ASAP1: variants seen among roughly 807,000 people sequenced by gnomAD.
The protein encoded by ASAP1 is ArfGAP with SH3 domain, ankyrin repeat and PH domain 1.
Under a neutral mutation model 145.2 loss-of-function variants are expected in ASAP1, and 43 were observed. The ratio of observed to expected loss-of-function variants is 0.30; its 90% CI spans 0.23 to 0.38. ASAP1 has a LOEUF of 0.38. Ranked by LOEUF, ASAP1 falls within the 10% of genes least tolerant of loss-of-function variation. ASAP1 has a pLI of 1.00. For synonymous variants in ASAP1, 546 were observed against 515.5 expected (o/e 1.06, Z -0.80); for missense variants, 1,018 against 1,355.3 (o/e 0.75, Z 3.91).
chr8:130,348,912 C>T (rs1825842461), intron 3 of ASAP1, among the ~76,000 whole-genome samples: 1 of 152,184 alleles, frequency 6.6e-6, no homozygotes, highest in Non-Finnish European at 1.5e-5. Context: ...GAGAAAACAG[C>T]TCATTACCCC....
intron 4 of ASAP1, among the ~76,000 whole-genome samples, chr8:130,226,049 T>C (rs1817568433): frequency 6.6e-6 from 1 of 151,834 alleles, no homozygotes; most frequent in African/African-American, 2.4e-5. Context: ...TTGGCTTTTT[T>C]TTTTTTTTTT....
chr8:130,145,992 C>A (rs1232294866), intron 13 of ASAP1, among the ~76,000 whole-genome samples: 1 of 151,084 alleles, frequency 6.6e-6, no homozygotes, highest in Non-Finnish European at 1.5e-5. Flanking sequence ...CAGGCATGTG[C>A]CACCATACCT....
At chr8:130,188,472 G>A (rs961095511) in intron 5 of ASAP1, among the ~76,000 whole-genome samples, 3 of 152,102 alleles carry the variant, frequency 2.0e-5, no homozygotes, top group Non-Finnish European at 4.4e-5. Flanking sequence ...GGTGGCTTAC[G>A]CCTGTAATCC....
chr8:130,169,131 T>C (rs1444214575), intron 9 of ASAP1, 64 bp from the exon 10 acceptor site: 3 of 1,044,194 alleles, frequency 2.9e-6, no homozygotes, highest in East Asian at 2.4e-5. Flanking sequence ...TGTTTCCTTA[T>C]GTGGAAATAA....
chr8:130,059,866 C>T (rs1246325801), intron 28 of ASAP1, among the ~76,000 whole-genome samples: 1 of 151,816 alleles, frequency 6.6e-6, no homozygotes, highest in Non-Finnish European at 1.5e-5. Flanking sequence ...GTGCTTGAGC[C>T]CATGAGTTCA....
intron 2 of ASAP1, among the ~76,000 whole-genome samples, chr8:130,373,109 TATACACACACACAC>T (rs71304308): frequency 0.19 from 24,784 of 127,590 alleles, 2,520 homozygotes; most frequent in Non-Finnish European, 0.21. Context: ...CAGAAATACA[TATACACACACACAC>T]ACACACACAC....
chr8:130,092,212 A>T (rs2097507000), intron 24 of ASAP1, 69 bp from the exon 25 acceptor site: 2 of 1,484,798 alleles, frequency 1.3e-6, no homozygotes, highest in South Asian at 2.6e-5. Flanking sequence ...AGCCAGTATG[A>T]AATCACTTCC....
At chr8:130,228,606 TGGGAGGACCACCTGAGTCCAGGA>T (rs1817721591) in intron 4 of ASAP1, among the ~76,000 whole-genome samples, 1 of 149,594 alleles carries the variant, frequency 6.7e-6, no homozygotes, top group South Asian at 2.1e-4. Context: ...AAGGCTGAGG[TGGGAGGACCACCTGAGTCCAGGA>T]TGGCGAGGCT....
chr8:130,414,849 C>T (rs779903742), intron 1 of ASAP1, among the ~76,000 whole-genome samples: 9 of 151,924 alleles, frequency 5.9e-5, no homozygotes, highest in Non-Finnish European at 1.2e-4. Context: ...CTTCACCTCC[C>T]GGGTTCAAGC....
Position 130,118,615 on chromosome 8 carries a change from G to A in ASAP1, c.1668C>T (p.Thr556=). 1.2e-6 allele frequency: 2 copies of A among 1,613,872 alleles called. No individual in the cohort carries two copies. The highest frequency in any genetic ancestry group is 1.7e-6 in the Non-Finnish European group (2 of 1,179,852). The change falls in exon 19 of 30, where the codon ACC becomes ACT. Residue 556 remains threonine, a synonymous_variant. Coordinates refer to ENST00000518721, the MANE Select transcript of ASAP1 (RefSeq NM_018482.4). ...TTAGTTTAGCTGATGAAGTTGAACA[G>A]GTCTTCCTTGAAAACCTATGATCTA... is the stretch of plus-strand genomic sequence containing the variant. The part of the protein sequence containing the change: ...KYVDHRFSRK[T]CSTSSAKLNE...
intron 3 of ASAP1, among the ~76,000 whole-genome samples, chr8:130,327,390 A>G (rs2137742483): frequency 6.6e-6 from 1 of 152,280 alleles, no homozygotes; most frequent in South Asian, 2.1e-4. Flanking sequence ...GCTTGGCTCC[A>G]GTGTTAGGGA....
chr8:130,156,721 G>A (rs1430708641), intron 12 of ASAP1, among the ~76,000 whole-genome samples: 3 of 152,170 alleles, frequency 2.0e-5, no homozygotes, highest in African/African-American at 4.8e-5. Flanking sequence ...CTTACTGTCC[G>A]TATGATCTTA....
intron 11 of ASAP1, among the ~76,000 whole-genome samples, chr8:130,162,709 T>C (rs919201797): frequency 6.6e-6 from 1 of 151,264 alleles, no homozygotes; most frequent in East Asian, 1.9e-4. Flanking sequence ...TCCCAGCTAC[T>C]CAGGAGGCTG....
At chr8:130,150,749 G>A (rs752732347) in intron 13 of ASAP1, among the ~76,000 whole-genome samples, 1 of 152,130 alleles carries the variant, frequency 6.6e-6, no homozygotes, top group Non-Finnish European at 1.5e-5. Flanking sequence ...GCGTGGTGAA[G>A]TGTGCCTGCA....
chr8:130,154,966 C>T (rs2135978031), intron 12 of ASAP1, among the ~76,000 whole-genome samples: 1 of 152,312 alleles, frequency 6.6e-6, no homozygotes, highest in South Asian at 2.1e-4. Context: ...ACGTGACTAA[C>T]TCTCTGCAAG....
At chr8:130,324,713 A>C (rs1824216971) in intron 3 of ASAP1, among the ~76,000 whole-genome samples, 1 of 152,232 alleles carries the variant, frequency 6.6e-6, no homozygotes, top group Admixed American at 6.5e-5. Flanking sequence ...TAGGGCTGGG[A>C]AATTTCAGTG....
intron 27 of ASAP1, among the ~76,000 whole-genome samples, chr8:130,071,624 G>A (rs1462887663): frequency 6.6e-6 from 1 of 152,188 alleles, no homozygotes. Flanking sequence ...ATGGGCAAAT[G>A]AGACAACTCA....
chr8:130,120,959 C>T (rs2097564860), intron 18 of ASAP1, among the ~76,000 whole-genome samples: 1 of 152,082 alleles, frequency 6.6e-6, no homozygotes, highest in African/African-American at 2.4e-5. Context: ...CTCCTCTGTC[C>T]CCTTAAACCC....
Position 130,118,310 on chromosome 8 carries a change from A to G in ASAP1, c.1795-64T>C, listed in dbSNP as rs905810382. The G allele has an allele frequency of 4.0e-5, 61 of 1,509,076 alleles. No individual in the cohort carries two copies. In the Middle Eastern group the frequency reaches 5.1e-4, roughly 13 times the overall value. The allele number at this position is 1,509,076 out of a possible 1,614,324, so 93.5% of individuals were successfully genotyped here. A position where few individuals can be genotyped will look rare whatever the true frequency, so the allele number is the denominator to read the frequency against. The stretch of plus-strand genomic sequence containing the variant: ...TGCTCTGCCAAGGGAGGCTTCATAT[A>G]TATCAGTTGCCCCCAAGTAATTATA... On this transcript the variant is annotated intron_variant, in intron 19 of 29. Transcript: ENST00000518721.
Sources: allele counts gnomAD v4.1 joint callset (sites outside exome capture counted in the v4.1 genomes callset), GRCh38; gene constraint gnomAD v4.1.1; transcripts MANE v1.5; gene names NCBI Gene and HGNC (gene_info 2026-07-23, HGNC 2026-07-21).